The following BMPR1A variants were observed in gnomAD, a reference collection of about 807,000 sequenced individuals.
BMPR1A encodes the protein bone morphogenetic protein receptor type 1A.
Under a neutral mutation model 66.0 loss-of-function variants are expected in BMPR1A, and 7 were observed. That is an observed-to-expected ratio of 0.11 (90% confidence interval 0.06 to 0.20). BMPR1A has a LOEUF of 0.20. Among genes scored for constraint, BMPR1A ranks in the 10% least tolerant of loss-of-function variants. BMPR1A has a pLI of 1.00. For synonymous variants in BMPR1A, 200 were observed against 229.7 expected, an observed-to-expected ratio of 0.87 and a Z score of 1.17; for missense variants, 408 against 669.1, an observed-to-expected ratio of 0.61 and a Z score of 4.31.
rs376154620 is a variant in BMPR1A, at chr10:86,819,034, G to A, written c.-267-19831G>A. Among the ~76,000 whole-genome samples the A allele has an allele frequency of 2.6e-5, 4 of 152,184 alleles. No homozygotes were observed. The East Asian group carries it at 5.8e-4, about 22-fold the overall frequency. ...TTGGGGATGAAATGCGGTAATGCATGTAAAGCATTGGGCATGCAAGTGAAG... is the reference window on the plus strand; with the variant it reads ...TTGGGGATGAAATGCGGTAATGCATATAAAGCATTGGGCATGCAAGTGAAG... On this transcript the variant is annotated intron_variant, in intron 1 of 12. Coordinates refer to ENST00000372037, the MANE Select transcript of BMPR1A (RefSeq NM_004329.3).
At chr10:86,851,584 C>G (rs896855924) in intron 2 of BMPR1A, among the ~76,000 whole-genome samples, 4 of 152,120 alleles carry the variant, frequency 2.6e-5, no homozygotes, top group Non-Finnish European at 5.9e-5. Context: ...GGAAGTTGAA[C>G]GGGACTCCTC....
intron 11 of BMPR1A, among the ~76,000 whole-genome samples, chr10:86,922,495 C>T (rs1350025995): frequency 6.6e-6 from 1 of 152,162 alleles, no homozygotes; most frequent in Admixed American, 6.5e-5. Flanking sequence ...CCAGGTTGTG[C>T]GATTTCACTT....
intron 1 of BMPR1A, among the ~76,000 whole-genome samples, chr10:86,823,384 G>A (rs1010354312): frequency 6.6e-6 from 1 of 152,188 alleles, no homozygotes; most frequent in African/African-American, 2.4e-5. Context: ...TTTACAGATT[G>A]GGTACGGAGG....
chr10:86,898,124 T>C (rs1843252703), intron 5 of BMPR1A, among the ~76,000 whole-genome samples: 1 of 151,908 alleles, frequency 6.6e-6, no homozygotes, highest in Non-Finnish European at 1.5e-5. Flanking sequence ...CTCACTACAT[T>C]GCTCAGGCTG....
chr10:86,764,123 A>T (rs556087159), intron 1 of BMPR1A, among the ~76,000 whole-genome samples: 1 of 152,310 alleles, frequency 6.6e-6, no homozygotes, highest in South Asian at 2.1e-4. Flanking sequence ...TTTTATGTAT[A>T]TTAAGATTTG....
intron 3 of BMPR1A, among the ~76,000 whole-genome samples, chr10:86,878,117 G>A (rs974103885): frequency 3.3e-5 from 5 of 152,184 alleles, no homozygotes; most frequent in African/African-American, 1.2e-4. Flanking sequence ...CATTAGGAAG[G>A]ATTGTAGAAT....
chr10:86,777,880 GT>G (rs1841377489), intron 1 of BMPR1A, among the ~76,000 whole-genome samples: 1 of 151,952 alleles, frequency 6.6e-6, no homozygotes, highest in African/African-American at 2.4e-5. Flanking sequence ...AGGCATGGTG[GT>G]GCATGCATGT....
intron 3 of BMPR1A, 114 bp from the exon 4 acceptor site, chr10:86,889,948 C>A: frequency 9.0e-7 from 1 of 1,106,926 alleles, no homozygotes; most frequent in Non-Finnish European, 1.3e-6. Context: ...AAGAAACATG[C>A]TAGCTACAAT....
chr10:86,765,553 C>T (rs1393487102), intron 1 of BMPR1A, among the ~76,000 whole-genome samples: 1 of 151,284 alleles, frequency 6.6e-6, no homozygotes, highest in Non-Finnish European at 1.5e-5. Context: ...GTCCAAGCCT[C>T]ATAGTTGGCT....
intron 1 of BMPR1A, among the ~76,000 whole-genome samples, chr10:86,824,611 A>G (rs532910707): frequency 1.6e-4 from 24 of 152,332 alleles, no homozygotes; most frequent in African/African-American, 5.3e-4. Flanking sequence ...ATATTCGTGT[A>G]CAAGGGATGG....
At chr10:86,806,577 G>T (rs1487657189) in intron 1 of BMPR1A, among the ~76,000 whole-genome samples, 3 of 151,864 alleles carry the variant, frequency 2.0e-5, no homozygotes, top group Non-Finnish European at 4.4e-5. Flanking sequence ...TTTCATCAGG[G>T]TCTCACTCCT....
In BMPR1A at chr10:86,763,703, C is replaced by A. The variant is rs377128664; in HGVS notation, c.-268+6784C>A. Among the ~76,000 whole-genome samples, 5 of 150,460 alleles carry A rather than the reference C, an allele frequency of 3.3e-5. No individual in the cohort carries two copies. In the East Asian group the frequency reaches 7.8e-4, roughly 23 times the overall value. On this transcript the variant is annotated intron_variant, in intron 1 of 12. Coordinates refer to ENST00000372037, the MANE Select transcript of BMPR1A (RefSeq NM_004329.3). ...CTTTTTTGAGCATTAATTTTTTTTT[C>A]TTTAGCCTTTGGGTAAAGTATCAAA...
intron 8 of BMPR1A, among the ~76,000 whole-genome samples, chr10:86,914,259 C>G (rs1370124502): frequency 1.3e-5 from 2 of 152,138 alleles, no homozygotes; most frequent in Admixed American, 6.5e-5. Flanking sequence ...ACCAAATTAA[C>G]TTGAAATGTA....
chr10:86,762,960 G>T (rs1841092721), intron 1 of BMPR1A, among the ~76,000 whole-genome samples: 2 of 152,168 alleles, frequency 1.3e-5, no homozygotes, highest in East Asian at 1.9e-4. Flanking sequence ...GCAGTGGCGT[G>T]ATCTTGGCTC....
At chr10:86,792,633 A>AAAAC (rs1009687618) in intron 1 of BMPR1A, among the ~76,000 whole-genome samples, 4 of 152,152 alleles carry the variant, frequency 2.6e-5, no homozygotes, top group Non-Finnish European at 4.4e-5. Context: ...CTGTCTCTAT[A>AAAAC]AAACAAACAA....
intron 2 of BMPR1A, among the ~76,000 whole-genome samples, chr10:86,867,783 A>C (rs780207915): frequency 4.6e-5 from 7 of 152,218 alleles, no homozygotes; most frequent in Non-Finnish European, 7.3e-5. Context: ...AACACACAGC[A>C]TCAACTATAT....
chr10:86,889,956 AATT>A, intron 3 of BMPR1A, 103 bp from the exon 4 acceptor site: 2 of 1,209,818 alleles, frequency 1.7e-6, no homozygotes, highest in Non-Finnish European at 2.4e-6. Flanking sequence ...TGCTAGCTAC[AATT>A]ATTGTGATAA....
At chr10:86,777,905 G>A (rs556092545) in intron 1 of BMPR1A, among the ~76,000 whole-genome samples, 2 of 151,802 alleles carry the variant, frequency 1.3e-5, no homozygotes, top group African/African-American at 2.4e-5. Context: ...CTCATCTACC[G>A]GGGATGCTGA....
chr10:86,844,929 A>G (rs1412383278), intron 2 of BMPR1A, among the ~76,000 whole-genome samples: 1 of 152,180 alleles, frequency 6.6e-6, no homozygotes. Flanking sequence ...GGCACCCGCC[A>G]CCACGCTCAG....
Sources: gnomAD v4.1 joint callset for allele counts (sites outside exome capture counted in the v4.1 genomes callset) on GRCh38, gnomAD v4.1.1 for gene constraint, MANE v1.5 for transcripts, NCBI Gene and HGNC (gene_info 2026-07-23, HGNC 2026-07-21) for gene names.